UBE2L3: variants seen among roughly 807,000 people sequenced by gnomAD.
UBE2L3 encodes ubiquitin-conjugating enzyme E2 L3.
In UBE2L3, 1 loss-of-function variant was observed where a neutral mutation model predicts 17.8. That is an observed-to-expected ratio of 0.06 (90% CI 0.02 to 0.27). The LOEUF (loss-of-function observed/expected upper bound fraction) is 0.27, where lower values mean the gene tolerates loss of function less well. UBE2L3 is among the 10% of genes least tolerant of loss of function. The probability of loss-of-function intolerance (pLI) is 1.00; values close to 1 mark genes in which losing one functional copy is unlikely to be tolerated. For synonymous variants in UBE2L3, 44 were observed against 68.5 expected, an observed-to-expected ratio of 0.64 and a Z score of 1.76; for missense variants, 40 against 192.6, an observed-to-expected ratio of 0.21 and a Z score of 4.69.
upstream of UBE2L3, among the ~76,000 whole-genome samples, chr22:21,563,838 G>A (rs1022267121): frequency 1.3e-5 from 2 of 151,736 alleles, no homozygotes; most frequent in Admixed American, 1.3e-4. Flanking sequence ...GCTTCCCAAA[G>A]TGCTGGGATT....
At chr22:21,610,207 G>A (rs1372267756) in intron 2 of UBE2L3, among the ~76,000 whole-genome samples, 1 of 152,092 alleles carries the variant, frequency 6.6e-6, no homozygotes, top group African/African-American at 2.4e-5. Flanking sequence ...GTTCTCAGGG[G>A]CCTCTTTGAT....
chr22:21,601,348 C>T (rs1294345938), intron 2 of UBE2L3, among the ~76,000 whole-genome samples: 2 of 151,514 alleles, frequency 1.3e-5, no homozygotes, highest in African/African-American at 2.4e-5. Flanking sequence ...GAGTCTCTCT[C>T]GTCCCCCAGG....
At chr22:21,572,662 C>T (rs1320782203) in intron 1 of UBE2L3, among the ~76,000 whole-genome samples, 1 of 151,742 alleles carries the variant, frequency 6.6e-6, no homozygotes, top group Non-Finnish European at 1.5e-5. Flanking sequence ...TCACACTGCA[C>T]ACACACTGCA....
intron 1 of UBE2L3, among the ~76,000 whole-genome samples, chr22:21,589,383 G>A (rs528089502): frequency 2.6e-5 from 4 of 151,674 alleles, no homozygotes; most frequent in South Asian, 2.1e-4. Flanking sequence ...TCCTGACCTC[G>A]TGATCCGCCC....
At chr22:21,612,451 G>A (rs1022874225) in intron 3 of UBE2L3, among the ~76,000 whole-genome samples, 1 of 151,524 alleles carries the variant, frequency 6.6e-6, no homozygotes, top group East Asian at 1.9e-4. Flanking sequence ...TCAGCCTTCC[G>A]AGTAGCTGGG....
intron 2 of UBE2L3, among the ~76,000 whole-genome samples, chr22:21,609,730 G>T (rs1169744740): frequency 6.6e-6 from 1 of 151,150 alleles, no homozygotes; most frequent in Non-Finnish European, 1.5e-5. Flanking sequence ...TGAAGTGGGG[G>T]AAAAACAAGT....
At chr22:21,559,338 A>T (rs1363389229) in intron 1 of UBE2L3, among the ~76,000 whole-genome samples, 1 of 148,664 alleles carries the variant, frequency 6.7e-6, no homozygotes, top group Non-Finnish European at 1.5e-5. Context: ...ACAGAGCAAG[A>T]CTCTGTCTCA....
intron 1 of UBE2L3, among the ~76,000 whole-genome samples, chr22:21,589,422 C>T (rs1928138961): frequency 6.6e-6 from 1 of 152,206 alleles, no homozygotes; most frequent in African/African-American, 2.4e-5. Context: ...GCTGGGATTA[C>T]AGGCGTGAAC....
intron 1 of UBE2L3, among the ~76,000 whole-genome samples, chr22:21,580,761 T>G (rs541909137): frequency 1.3e-5 from 2 of 152,120 alleles, no homozygotes; most frequent in East Asian, 3.9e-4. Context: ...ATTTTTGTAT[T>G]TTTAGTAGAG....
chr22:21,567,478 T>G, upstream of UBE2L3: 1 of 598,114 alleles, frequency 1.7e-6, no homozygotes, highest in Non-Finnish European at 2.7e-6. Context: ...TTTTATGCAA[T>G]CAGTATTTAT....
chr22:21,584,943 G>A lies in UBE2L3; in HGVS notation c.28-7918G>A, dbSNP rs147304990. On this transcript the variant is annotated intron_variant, in intron 1 of 3. Coordinates refer to ENST00000342192, the MANE Select transcript of UBE2L3 (RefSeq NM_003347.4). ...GCCTCCACACTCCAGCCTGGAGAGC[G>A]AGACTCCGTCTCAAAACAAACAAAC... Among the ~76,000 whole-genome samples the A allele has an allele frequency of 7.3e-4, 111 of 152,272 alleles. 1 individual carries two copies. Among genetic ancestry groups the A allele is most frequent in the South Asian group, 3.3e-3 (16 of 4,826 alleles).
At chr22:21,594,200 G>T (rs753565912) in intron 2 of UBE2L3, among the ~76,000 whole-genome samples, 45 of 152,354 alleles carry the variant, frequency 3.0e-4, no homozygotes, top group Admixed American at 8.5e-4. Context: ...CCGCTGTCCT[G>T]TATATAATTT....
chr22:21,567,668 G>C, upstream of UBE2L3: 8 of 1,549,740 alleles, frequency 5.2e-6, no homozygotes, highest in South Asian at 7.1e-5. Context: ...CCCCTCCCCC[G>C]CTCCAGGAAG....
chr22:21,615,753 G>A (rs1929738030), intron 3 of UBE2L3, among the ~76,000 whole-genome samples: 1 of 152,188 alleles, frequency 6.6e-6, no homozygotes, highest in South Asian at 2.1e-4. Context: ...TGCGTGTGCA[G>A]AGCAGCAAAA....
At chr22:21,614,724 A>T (rs1929676652) in intron 3 of UBE2L3, 1 of 1,109,606 alleles carries the variant, frequency 9.0e-7, no homozygotes, top group African/African-American at 1.6e-5. Context: ...CAGCAATTCC[A>T]CTCTTAGCTA....
upstream of UBE2L3, among the ~76,000 whole-genome samples, chr22:21,567,071 C>T (rs372503502): frequency 8.3e-4 from 126 of 152,248 alleles, no homozygotes; most frequent in African/African-American, 3.0e-3. Flanking sequence ...AATTTGGCTT[C>T]CTTGACCTCT....
intron 1 of UBE2L3, among the ~76,000 whole-genome samples, chr22:21,572,076 A>G (rs1234712244): frequency 1.3e-5 from 2 of 152,138 alleles, no homozygotes; most frequent in Non-Finnish European, 2.9e-5. Flanking sequence ...TGTTTGGGAC[A>G]GGTGATGGGA....
intron 1 of UBE2L3, among the ~76,000 whole-genome samples, chr22:21,576,801 C>CTTTT (rs757829734): frequency 0.012 from 1,391 of 118,098 alleles, 59 homozygotes; most frequent in South Asian, 0.083. Context: ...CTTCTCTTTC[C>CTTTT]TTTTTTTTTT....
rs1030169657 is a variant in UBE2L3, at chr22:21,622,205, C to T, written c.*536C>T. 1 of 152,868 alleles carries T rather than the reference C, an allele frequency of 6.5e-6. No homozygotes were observed. The highest frequency in any genetic ancestry group is 2.4e-5 in the African/African-American group (1 of 41,430). The allele number at this position is 152,868 out of a possible 1,614,324, so 9.5% of individuals were successfully genotyped here. On this transcript the variant is annotated 3_prime_UTR_variant, in exon 4 of 4. Coordinates refer to ENST00000342192, the MANE Select transcript of UBE2L3 (RefSeq NM_003347.4). Reference sequence around the variant, plus strand: ...GAGTTGGTTTAAATTCTCCTGACTCCAGTTTATAACATCCTTTTAAAAAAT... The same window carrying T: ...GAGTTGGTTTAAATTCTCCTGACTCTAGTTTATAACATCCTTTTAAAAAAT...
Sources: gnomAD v4.1 joint callset for allele counts (sites outside exome capture counted in the v4.1 genomes callset) on GRCh38, gnomAD v4.1.1 for gene constraint, MANE v1.5 for transcripts, NCBI Gene and HGNC (gene_info 2026-07-23, HGNC 2026-07-21) for gene names.